PCMTD1: variants seen among roughly 807,000 people sequenced by gnomAD.
PCMTD1 encodes the protein protein-L-isoaspartate O-methyltransferase domain-containing protein 1.
In PCMTD1, 12 loss-of-function variants were observed where a neutral mutation model predicts 37.6. The observed-to-expected ratio is 0.32, with a 90% CI of 0.20 to 0.52. PCMTD1 has a LOEUF of 0.52. PCMTD1 is among the 20% of genes least tolerant of loss of function. The pLI is 0.97. For synonymous variants in PCMTD1, 117 were observed against 135.8 expected (o/e 0.86, Z 0.96); for missense variants, 235 against 421.3 (o/e 0.56, Z 3.87).
intron 1 of PCMTD1, among the ~76,000 whole-genome samples, chr8:51,880,794 C>T (rs912732787): frequency 3.3e-5 from 5 of 152,218 alleles, no homozygotes; most frequent in African/African-American, 1.2e-4. Flanking sequence ...TTAGGATTTG[C>T]AGGCAATAGT....
chr8:51,860,205 G>C (rs2038451465), intron 2 of PCMTD1, among the ~76,000 whole-genome samples: 1 of 152,128 alleles, frequency 6.6e-6, no homozygotes, highest in Non-Finnish European at 1.5e-5. Context: ...TACTTCAAAG[G>C]AGTATTAGGA....
intron 1 of PCMTD1, among the ~76,000 whole-genome samples, chr8:51,866,598 C>G (rs562130574): frequency 2.0e-5 from 3 of 151,962 alleles, no homozygotes; most frequent in Admixed American, 6.6e-5. Context: ...GAAATTGAAT[C>G]CTTATCTCAC....
At chr8:51,897,024 G>A (rs2039011818) in intron 1 of PCMTD1, among the ~76,000 whole-genome samples, 1 of 152,058 alleles carries the variant, frequency 6.6e-6, no homozygotes, top group South Asian at 2.1e-4. Flanking sequence ...TAACTAAAAT[G>A]TCATGGATTT....
Position 51,820,315 on chromosome 8 carries a change from G to C in PCMTD1, c.*36C>G. The stretch of plus-strand genomic sequence containing the variant: ...CAAATGCTACATTTTCAAGACTAAA[G>C]GAATTATCAGTAGGCATTTTTCTTC... On this transcript the variant is annotated 3_prime_UTR_variant, in exon 6 of 6. Coordinates refer to ENST00000522514, the MANE Select transcript of PCMTD1 (RefSeq NM_052937.4). 6.7e-7 allele frequency: 1 copy of C among 1,496,728 alleles called. No individual in the cohort carries two copies. The highest frequency in any genetic ancestry group is 1.4e-5 in the South Asian group (1 of 71,572). 92.7% of individuals were successfully genotyped at this position (1,496,728 alleles called of 1,614,324 possible). A position where few individuals can be genotyped will look rare whatever the true frequency, so the allele number is the denominator to read the frequency against.
intron 5 of PCMTD1, 90 bp from the exon 6 acceptor site, chr8:51,820,808 T>C (rs1341443792): frequency 7.6e-7 from 1 of 1,314,552 alleles, no homozygotes; most frequent in Non-Finnish European, 1.0e-6. Flanking sequence ...AATGTGTTTC[T>C]TAGCATATTT....
At chr8:51,886,638 A>G (rs1041139002) in intron 1 of PCMTD1, among the ~76,000 whole-genome samples, 2 of 152,206 alleles carry the variant, frequency 1.3e-5, no homozygotes, top group Non-Finnish European at 2.9e-5. Flanking sequence ...ACACAGCTGC[A>G]CTAGTTTTAT....
At chr8:51,862,366 ACACACACT>A (rs1385908117) in intron 1 of PCMTD1, among the ~76,000 whole-genome samples, 2 of 152,130 alleles carry the variant, frequency 1.3e-5, no homozygotes, top group African/African-American at 4.8e-5. Flanking sequence ...ATACACACAC[ACACACACT>A]CACACACACA....
At position 51,818,971 on chromosome 8, in the gene PCMTD1, T is replaced by C. The variant is rs1313575542; in HGVS notation, c.*1380A>G. 4 of 50,604 alleles carry C rather than the reference T, an allele frequency of 7.9e-5. No individual in the cohort carries two copies. Among genetic ancestry groups the C allele is most frequent in the Non-Finnish European group, 1.7e-4 (4 of 23,856 alleles). The allele number at this position is 50,604 out of a possible 1,614,324, so 3.1% of individuals were successfully genotyped here. A position where few individuals can be genotyped will look rare whatever the true frequency, so the allele number is the denominator to read the frequency against. Reference sequence around the variant, plus strand: ...CTCAAATTTTTCCCTTTAAGAAATATATAATCCATGTAACTCTAGCAAATA... The same window carrying C: ...CTCAAATTTTTCCCTTTAAGAAATACATAATCCATGTAACTCTAGCAAATA... On this transcript the variant is annotated 3_prime_UTR_variant, in exon 6 of 6. Transcript: ENST00000522514.
intron 4 of PCMTD1, among the ~76,000 whole-genome samples, chr8:51,832,288 A>G (rs2038009112): frequency 6.6e-6 from 1 of 152,232 alleles, no homozygotes; most frequent in Admixed American, 6.5e-5. Context: ...TAAAAAACAA[A>G]TTGTTTAACT....
chr8:51,845,373 AG>A, intron 3 of PCMTD1: 1 of 261,062 alleles, frequency 3.8e-6, no homozygotes, highest in South Asian at 6.5e-5. Context: ...TTGCAATCAC[AG>A]CATTATTACA....
At chr8:51,866,871 C>CA (rs1340343957) in intron 1 of PCMTD1, among the ~76,000 whole-genome samples, 1 of 151,628 alleles carries the variant, frequency 6.6e-6, no homozygotes, top group African/African-American at 2.4e-5. Flanking sequence ...ATTGAAAAAA[C>CA]AAAACAAAAC....
At chr8:51,825,062 T>C (rs1563334636) in intron 5 of PCMTD1, among the ~76,000 whole-genome samples, 1 of 151,936 alleles carries the variant, frequency 6.6e-6, no homozygotes, top group Non-Finnish European at 1.5e-5. Flanking sequence ...ATTAAAGACT[T>C]AAATCTAAGA....
rs1285430521 is a variant in PCMTD1 at position 51,833,399 on chromosome 8, G to A, written c.582+119C>T. 6.8e-6 allele frequency: 5 copies of A among 738,428 alleles called. No homozygotes were observed. The East Asian group carries it at 1.2e-4, about 18-fold the overall frequency. The allele number at this position is 738,428 out of a possible 1,614,324, so 45.7% of individuals were successfully genotyped here. ...TTTTCTAAACAAATAAGATAAATCT[G>A]GTGAAAAGTAATTTTTTCTTTAAAA... On this transcript the variant is annotated intron_variant, in intron 4 of 5. Coordinates refer to ENST00000522514, the MANE Select transcript of PCMTD1 (RefSeq NM_052937.4).
At chr8:51,893,375 G>C (rs1408052227) in intron 1 of PCMTD1, among the ~76,000 whole-genome samples, 1 of 152,142 alleles carries the variant, frequency 6.6e-6, no homozygotes, top group Non-Finnish European at 1.5e-5. Context: ...AATTTCATAT[G>C]AACTCTTCAG....
At chr8:51,841,704 A>G (rs1030294473) in intron 3 of PCMTD1, among the ~76,000 whole-genome samples, 1 of 152,164 alleles carries the variant, frequency 6.6e-6, no homozygotes, top group African/African-American at 2.4e-5. Flanking sequence ...ATGAGCAAAT[A>G]CTGACTCATA....
At chr8:51,846,948 AAAAT>A (rs1482532155) in intron 2 of PCMTD1, among the ~76,000 whole-genome samples, 4 of 152,246 alleles carry the variant, frequency 2.6e-5, no homozygotes, top group Admixed American at 6.5e-5. Context: ...TCCAATAGGA[AAAAT>A]AAATAAAAAG....
chr8:51,883,689 C>T (rs2038824650), intron 1 of PCMTD1, among the ~76,000 whole-genome samples: 1 of 152,146 alleles, frequency 6.6e-6, no homozygotes, highest in Non-Finnish European at 1.5e-5. Flanking sequence ...GATGTACAGA[C>T]CTAGGCTAGC....
chr8:51,861,847 G>C (rs1042265947), intron 1 of PCMTD1, among the ~76,000 whole-genome samples: 10 of 151,890 alleles, frequency 6.6e-5, no homozygotes. Context: ...CAAGCAGCTA[G>C]GATTACAGGT....
At chr8:51,820,815 AT>A in intron 5 of PCMTD1, 97 bp from the exon 6 acceptor site, 1 of 1,294,748 alleles carries the variant, frequency 7.7e-7, no homozygotes, top group African/African-American at 1.5e-5. Flanking sequence ...TTCTTAGCAT[AT>A]TTTAGAAAAT....
Sources: gnomAD v4.1 joint callset for allele counts (sites outside exome capture counted in the v4.1 genomes callset) on GRCh38, gnomAD v4.1.1 for gene constraint, MANE v1.5 for transcripts, NCBI Gene and HGNC (gene_info 2026-07-23, HGNC 2026-07-21) for gene names.